The following CHODL variants were observed in gnomAD, a reference collection of about 807,000 sequenced individuals.
The protein encoded by CHODL is transmembrane protein MT75.
In CHODL, 29 loss-of-function variants were observed where a neutral mutation model predicts 34.5. That is an observed-to-expected ratio of 0.84 (90% CI 0.63 to 1.15). The LOEUF (loss-of-function observed/expected upper bound fraction) is 1.15, where lower values mean the gene tolerates loss of function less well. Among genes scored for constraint, CHODL ranks in the 50% most tolerant of loss-of-function variants. The pLI is 0.00. For synonymous variants in CHODL, 125 were observed against 116.1 expected (o/e 1.08, Z -0.49); for missense variants, 332 against 332.5 (o/e 1.00, Z 0.01).
intron 2 of CHODL, among the ~76,000 whole-genome samples, chr21:18,101,333 G>A (rs1021676537): frequency 1.3e-5 from 2 of 152,010 alleles, no homozygotes; most frequent in African/African-American, 4.8e-5. Context: ...TCCTGGTCTC[G>A]AGTTTGTCTT....
intron 1 of CHODL, among the ~76,000 whole-genome samples, chr21:17,930,763 C>T (rs900366730): frequency 6.6e-6 from 1 of 152,180 alleles, no homozygotes; most frequent in Non-Finnish European, 1.5e-5. Context: ...TCACCTGACA[C>T]CACCACAGAG....
chr21:18,166,251 C>T (rs1334455336), intron 2 of CHODL, among the ~76,000 whole-genome samples: 1 of 152,172 alleles, frequency 6.6e-6, no homozygotes, highest in African/African-American at 2.4e-5. Flanking sequence ...ACAAGCTCTC[C>T]ATTAGACCCT....
intron 2 of CHODL, among the ~76,000 whole-genome samples, chr21:18,115,619 G>A (rs540180372): frequency 1.3e-5 from 2 of 152,160 alleles, no homozygotes; most frequent in South Asian, 4.1e-4. Context: ...CTCCCATAGT[G>A]CTGTTCTTCT....
chr21:18,097,074 A>T (rs2065149123), intron 2 of CHODL, among the ~76,000 whole-genome samples: 2 of 152,154 alleles, frequency 1.3e-5, no homozygotes, highest in South Asian at 4.1e-4. Context: ...ATATATCTCA[A>T]CATAATCAAA....
chr21:18,255,549 C>G (rs775060331), intron 1 of CHODL, among the ~76,000 whole-genome samples: 7 of 151,934 alleles, frequency 4.6e-5, no homozygotes, highest in Non-Finnish European at 7.4e-5. Context: ...TTTGAAAGAC[C>G]AGTTTGGCCA....
At chr21:18,107,298 C>T (rs905877281) in intron 2 of CHODL, among the ~76,000 whole-genome samples, 1 of 152,170 alleles carries the variant, frequency 6.6e-6, no homozygotes, top group African/African-American at 2.4e-5. Flanking sequence ...AACAGAGCAC[C>T]TAGTTCCTGG....
chr21:18,062,798 A>T (rs1233384270), intron 2 of CHODL, among the ~76,000 whole-genome samples: 1 of 152,018 alleles, frequency 6.6e-6, no homozygotes, highest in East Asian at 1.9e-4. Context: ...TACAGACATG[A>T]GCCACCACAC....
intron 2 of CHODL, among the ~76,000 whole-genome samples, chr21:18,077,302 T>C (rs1461792135): frequency 6.6e-6 from 1 of 152,172 alleles, no homozygotes; most frequent in Non-Finnish European, 1.5e-5. Context: ...GGAATTTGCC[T>C]CCTGAGGCAA....
At chr21:17,967,650 T>C (rs2063582890) in intron 1 of CHODL, among the ~76,000 whole-genome samples, 1 of 152,090 alleles carries the variant, frequency 6.6e-6, no homozygotes, top group Non-Finnish European at 1.5e-5. Context: ...GCAATGTACA[T>C]CTTCTTTCAA....
chr21:18,214,343 G>T (rs2073802462), intron 2 of CHODL, among the ~76,000 whole-genome samples: 1 of 151,948 alleles, frequency 6.6e-6, no homozygotes, highest in South Asian at 2.1e-4. Context: ...TTATAATATG[G>T]TTCAGTTTGT....
intron 2 of CHODL, among the ~76,000 whole-genome samples, chr21:18,089,514 A>C (rs955486215): frequency 2.0e-5 from 3 of 152,208 alleles, no homozygotes; most frequent in Non-Finnish European, 4.4e-5. Context: ...TCTGTTTGTC[A>C]CAGCATGTGA....
At chr21:18,060,291 CAA>C (rs2064643414) in intron 2 of CHODL, among the ~76,000 whole-genome samples, 1 of 151,722 alleles carries the variant, frequency 6.6e-6, no homozygotes, top group Non-Finnish European at 1.5e-5. Context: ...CTTGTCTCTA[CAA>C]AAAATACAAA....
Position 18,059,536 on chromosome 21 carries a change from C to T in CHODL, c.-45+31565C>T, listed in dbSNP as rs374564847. ...CAACTTTTATTAAGTTCTGGGGTTA[C>T]ATATGCAGGATGTGCAGGTTTGTTA... On this transcript the variant is annotated intron_variant, in intron 2 of 6. Coordinates refer to the CHODL transcript ENST00000400127. 5.4e-4 allele frequency among the ~76,000 whole-genome samples: 80 copies of T among 149,118 alleles called. 1 individual carries two copies. The South Asian group carries it at 0.016, about 30-fold the overall frequency.
chr21:18,015,989 G>A (rs981281009), intron 1 of CHODL, among the ~76,000 whole-genome samples: 15 of 152,208 alleles, frequency 9.9e-5, no homozygotes, highest in South Asian at 2.1e-4. Flanking sequence ...GAAGCAGAGC[G>A]TAGAAGTTTG....
At chr21:17,922,105 G>A (rs1164523453) in intron 1 of CHODL, among the ~76,000 whole-genome samples, 1 of 151,954 alleles carries the variant, frequency 6.6e-6, no homozygotes, top group Non-Finnish European at 1.5e-5. Context: ...TAATTAGGAG[G>A]TACATGGCAG....
At chr21:18,246,079 G>T (rs755582172) in intron 1 of CHODL, 10 of 745,464 alleles carry the variant, frequency 1.3e-5, no homozygotes, top group Non-Finnish European at 2.3e-5. Context: ...CTGTCCTGTC[G>T]TTGAGCGATT....
At chr21:18,232,660 A>C (rs1024360544) in intron 2 of CHODL, among the ~76,000 whole-genome samples, 1 of 151,890 alleles carries the variant, frequency 6.6e-6, no homozygotes, top group East Asian at 1.9e-4. Flanking sequence ...TTAAAAATCT[A>C]TATCTAACCT....
At chr21:18,150,861 G>A (rs1019096684) in intron 2 of CHODL, among the ~76,000 whole-genome samples, 2 of 151,944 alleles carry the variant, frequency 1.3e-5, no homozygotes, top group Non-Finnish European at 2.9e-5. Context: ...CGAGGCGGGT[G>A]GATCATGAGG....
intron 1 of CHODL, among the ~76,000 whole-genome samples, chr21:18,249,085 A>ATC (rs1319340996): frequency 8.1e-6 from 1 of 123,894 alleles, no homozygotes; most frequent in Admixed American, 9.7e-5. Flanking sequence ...ATATATATAT[A>ATC]ATAAAATATA....
Sources: gnomAD v4.1 joint callset for allele counts (sites outside exome capture counted in the v4.1 genomes callset) on GRCh38, gnomAD v4.1.1 for gene constraint, MANE v1.5 for transcripts, NCBI Gene and HGNC (gene_info 2026-07-23, HGNC 2026-07-21) for gene names.